Variants in SHROOM3 observed in about 807,000 individuals in gnomAD.
SHROOM3 encodes the protein protein Shroom3.
A neutral mutation model predicts 138.6 loss-of-function variants in SHROOM3; 47 were observed. The ratio of observed to expected loss-of-function variants is 0.34; its 90% CI spans 0.27 to 0.43. The LOEUF is 0.43. Among genes scored for constraint, SHROOM3 ranks in the 20% least tolerant of loss-of-function variants. The pLI is 1.00. For synonymous variants in SHROOM3, 1,062 were observed against 1,063.3 expected, an observed-to-expected ratio of 1.00 and a Z score of 0.02; for missense variants, 2,491 against 2,596.5, an observed-to-expected ratio of 0.96 and a Z score of 0.88.
At chr4:76,436,367 T>C in intron 1 of SHROOM3, 147 bp downstream of exon 1, 2 of 932,012 alleles carry the variant, frequency 2.1e-6, no homozygotes, top group Non-Finnish European at 3.2e-6. Flanking sequence ...ATATTTTGGA[T>C]AGCCTGGGAT....
intron 1 of SHROOM3, among the ~76,000 whole-genome samples, chr4:76,538,541 A>G (rs55880006): frequency 0.032 from 4,932 of 152,248 alleles, 285 homozygotes; most frequent in African/African-American, 0.11. Context: ...GTGACCTGAG[A>G]GTTTGCAGAT....
chr4:76,781,442 T>C lies in SHROOM3; in HGVS notation c.*2265T>C, dbSNP rs1722735993. ...TTCACCCAGCCACTTTTCTAATTTATAGACATAAAAGTAATTGACTCCCAC... is the reference window on the plus strand; with the variant it reads ...TTCACCCAGCCACTTTTCTAATTTACAGACATAAAAGTAATTGACTCCCAC... On this transcript the variant is annotated 3_prime_UTR_variant, in exon 11 of 11. Transcript: ENST00000296043. 1 of 152,216 alleles carries C rather than the reference T, an allele frequency of 6.6e-6. No homozygotes were observed. Among genetic ancestry groups the C allele is most frequent in the Non-Finnish European group, 1.5e-5 (1 of 68,064 alleles). 9.4% of individuals were successfully genotyped at this position (152,216 alleles called of 1,614,324 possible).
At chr4:76,711,837 T>C (rs1225668727) in intron 3 of SHROOM3, among the ~76,000 whole-genome samples, 2 of 121,548 alleles carry the variant, frequency 1.6e-5, no homozygotes, top group Non-Finnish European at 3.4e-5. Flanking sequence ...AGATTTCATT[T>C]GAAAAAAAAA....
Position 76,741,526 on chromosome 4 carries a change from G to C in SHROOM3, c.3353G>C (p.Ser1118Thr). The C allele has an allele frequency of 8.4e-6, 13 of 1,554,512 alleles. No individual in the cohort carries two copies. Among genetic ancestry groups the C allele is most frequent in the Non-Finnish European group, 1.0e-5 (12 of 1,156,346 alleles). ...EPGPLRERAQ[S>T]AYLQPGPAAL... ...GGGCCACTGCGTGAGCGCGCCCAGA[G>C]TGCCTACCTCCAGCCCGGCCCCGCG... The change falls in exon 5 of 11, where the codon AGT becomes ACT. Residue 1118 changes from serine to threonine, a missense_variant. This residue lies in a region of SHROOM3 where 1,733 missense variants were observed against 1,661.6 expected (regional missense o/e 1.04). Transcript: ENST00000296043. The surrounding 1 kb of genome is among the most constrained non-coding windows in gnomAD (Gnocchi z 6.2).
At chr4:76,756,080 C>A (rs1721801141) in intron 7 of SHROOM3, among the ~76,000 whole-genome samples, 1 of 152,166 alleles carries the variant, frequency 6.6e-6, no homozygotes, top group Admixed American at 6.5e-5. Context: ...ACCTCCTGAC[C>A]AGCTGCTGGG....
At chr4:76,554,962 G>T (rs183523220) in intron 1 of SHROOM3, among the ~76,000 whole-genome samples, 1 of 151,614 alleles carries the variant, frequency 6.6e-6, no homozygotes, top group East Asian at 1.9e-4. Flanking sequence ...GAGGGATCTA[G>T]GTAGCACACT....
At chr4:76,599,328 A>G (rs1175863905) in intron 2 of SHROOM3, among the ~76,000 whole-genome samples, 2 of 152,172 alleles carry the variant, frequency 1.3e-5, no homozygotes, top group Non-Finnish European at 2.9e-5. Context: ...AGAATGAGCA[A>G]TTGATATGAA....
chr4:76,468,368 T>A (rs1397470384), intron 1 of SHROOM3, among the ~76,000 whole-genome samples: 1 of 152,224 alleles, frequency 6.6e-6, no homozygotes, highest in African/African-American at 2.4e-5. Flanking sequence ...AAATACTCAA[T>A]GTACACAGTC....
At chr4:76,752,241 T>C (rs569148127) in intron 6 of SHROOM3, among the ~76,000 whole-genome samples, 2 of 152,334 alleles carry the variant, frequency 1.3e-5, no homozygotes, top group Admixed American at 1.3e-4. Flanking sequence ...TATGAAGTAC[T>C]TAAAGTAGTC....
At chr4:76,455,856 C>T (rs917568931) in intron 1 of SHROOM3, among the ~76,000 whole-genome samples, 2 of 152,112 alleles carry the variant, frequency 1.3e-5, no homozygotes, top group Non-Finnish European at 2.9e-5. Flanking sequence ...CGTGCATCCC[C>T]AGCAACTGTA....
chr4:76,442,523 C>T (rs1364684639), intron 1 of SHROOM3, among the ~76,000 whole-genome samples: 2 of 151,504 alleles, frequency 1.3e-5, no homozygotes, highest in African/African-American at 4.9e-5. Context: ...CATTCTCCTG[C>T]CTCAGCCTCC....
intron 2 of SHROOM3, among the ~76,000 whole-genome samples, chr4:76,601,049 C>T (rs948372669): frequency 2.0e-5 from 3 of 152,154 alleles, no homozygotes; most frequent in Non-Finnish European, 2.9e-5. Context: ...ACGGCAAAAG[C>T]CACAATTACT....
intron 10 of SHROOM3, among the ~76,000 whole-genome samples, chr4:76,775,606 G>C (rs1004631682): frequency 5.3e-5 from 8 of 151,498 alleles, no homozygotes; most frequent in African/African-American, 1.9e-4. Context: ...CATATTTATA[G>C]CAGTACAATT....
intron 1 of SHROOM3, among the ~76,000 whole-genome samples, chr4:76,542,596 C>T (rs1021598313): frequency 6.6e-6 from 1 of 152,094 alleles, no homozygotes; most frequent in Non-Finnish European, 1.5e-5. Context: ...TGAAAGAAGC[C>T]GTAAGTTAGG....
At chr4:76,464,938 T>A (rs1396241847) in intron 1 of SHROOM3, among the ~76,000 whole-genome samples, 1 of 152,188 alleles carries the variant, frequency 6.6e-6, no homozygotes, top group Non-Finnish European at 1.5e-5. Flanking sequence ...CTCAGGTAGT[T>A]CTTTATAGCA....
At chr4:76,485,757 C>G (rs549195160) in intron 1 of SHROOM3, among the ~76,000 whole-genome samples, 2 of 152,126 alleles carry the variant, frequency 1.3e-5, no homozygotes, top group Non-Finnish European at 2.9e-5. Flanking sequence ...ATCAGGGGCT[C>G]TAATTGTATT....
intron 1 of SHROOM3, among the ~76,000 whole-genome samples, chr4:76,541,740 G>T (rs945114662): frequency 4.6e-5 from 7 of 152,060 alleles, no homozygotes; most frequent in African/African-American, 1.7e-4. Context: ...ACTAGTTTGG[G>T]GCTGGAACTG....
chr4:76,687,210 CCTTT>C (rs1444379966), intron 2 of SHROOM3, among the ~76,000 whole-genome samples: 2 of 152,060 alleles, frequency 1.3e-5, no homozygotes, highest in East Asian at 1.9e-4. Context: ...CCATGCACAC[CCTTT>C]CTAAGACAGG....
chr4:76,710,319 C>A lies in SHROOM3; in HGVS notation c.455+32C>A. 3 of 1,612,552 alleles carry A rather than the reference C, an allele frequency of 1.9e-6. No individual in the cohort carries two copies. In the South Asian group the frequency reaches 3.3e-5, roughly 18 times the overall value. ...CGCACGGAAGTTGGTGCTGGCAGTT[C>A]GGAAAAAGAACCCAGTCCAAAAAGC... On this transcript the variant is annotated intron_variant, in intron 3 of 10. Transcript: ENST00000296043.
Sources: gnomAD v4.1 joint callset for allele counts (sites outside exome capture counted in the v4.1 genomes callset) on GRCh38, gnomAD v4.1.1 for gene constraint, gnomAD v4.1.1 regional missense constraint, Gnocchi (gnomAD v3.1) non-coding constraint, MANE v1.5 for transcripts, NCBI Gene and HGNC (gene_info 2026-07-23, HGNC 2026-07-21) for gene names.